The following HIVEP3 variants were observed in gnomAD, a reference collection of about 807,000 sequenced individuals.
The protein encoded by HIVEP3 is transcription factor HIVEP3.
Under a neutral mutation model 152.8 loss-of-function variants are expected in HIVEP3, and 49 were observed. That is an observed-to-expected ratio of 0.32 (90% confidence interval 0.26 to 0.41). The LOEUF is 0.41. Ranked by LOEUF, HIVEP3 falls within the 10% of genes least tolerant of loss-of-function variation. The pLI is 1.00. For missense variants in HIVEP3, 2,790 were observed against 3,103.3 expected (o/e 0.90, Z 2.40); for synonymous variants, 1,269 against 1,289.0 (o/e 0.98, Z 0.33).
intron 1 of HIVEP3, among the ~76,000 whole-genome samples, chr1:41,772,194 G>A (rs1648418368): frequency 6.7e-6 from 1 of 150,186 alleles, no homozygotes; most frequent in Admixed American, 6.6e-5. Flanking sequence ...CTATACACCA[G>A]GAAATCTACA....
chr1:41,867,236 G>A (rs535237051), intron 1 of HIVEP3, among the ~76,000 whole-genome samples: 94 of 152,194 alleles, frequency 6.2e-4, no homozygotes, highest in Middle Eastern at 3.4e-3. Context: ...GAGGTGGATG[G>A]GGCTTCCTTG....
intron 1 of HIVEP3, among the ~76,000 whole-genome samples, chr1:41,711,726 A>G (rs922719976): frequency 2.0e-5 from 3 of 152,172 alleles, no homozygotes; most frequent in African/African-American, 7.2e-5. Context: ...CCGATGCCAG[A>G]GACAGGCTCT....
intron 5 of HIVEP3, among the ~76,000 whole-genome samples, chr1:41,551,099 T>C (rs1008424573): frequency 1.3e-5 from 2 of 152,242 alleles, no homozygotes; most frequent in African/African-American, 4.8e-5. Context: ...CTGTTGAATT[T>C]TGTTGAAGGC....
chr1:41,608,345 A>G (rs943750203), intron 3 of HIVEP3, among the ~76,000 whole-genome samples: 48 of 152,188 alleles, frequency 3.2e-4, no homozygotes, highest in Non-Finnish European at 5.7e-4. Context: ...GGAGCTGCCA[A>G]TCCTTCTTCT....
intron 1 of HIVEP3, among the ~76,000 whole-genome samples, chr1:41,940,985 A>C (rs1463018583): frequency 6.6e-6 from 1 of 152,108 alleles, no homozygotes; most frequent in African/African-American, 2.4e-5. Context: ...TGTCCCAAAA[A>C]CCACAAGAGG....
intron 1 of HIVEP3, among the ~76,000 whole-genome samples, chr1:41,766,357 C>A (rs1469398572): frequency 6.6e-6 from 1 of 152,164 alleles, no homozygotes; most frequent in Non-Finnish European, 1.5e-5. Context: ...GACAGCCACC[C>A]CACATCAAAG....
intron 1 of HIVEP3, among the ~76,000 whole-genome samples, chr1:41,786,627 G>A (rs1649363075): frequency 6.6e-6 from 1 of 152,204 alleles, no homozygotes; most frequent in Non-Finnish European, 1.5e-5. Context: ...TTGTGAGACT[G>A]TATAGCCAGC....
At chr1:41,855,743 TAG>T (rs1557451598) in intron 1 of HIVEP3, among the ~76,000 whole-genome samples, 1 of 152,162 alleles carries the variant, frequency 6.6e-6, no homozygotes, top group Admixed American at 6.5e-5. Flanking sequence ...GAAACGGCAC[TAG>T]GGTCACAAAT....
rs551353161 is a variant in HIVEP3, at chr1:41,882,527, T to C, written c.-801+35886A>G. On this transcript the variant is annotated intron_variant, in intron 1 of 8. Coordinates refer to ENST00000372583, the MANE Select transcript of HIVEP3 (RefSeq NM_024503.5). ...AGTTGCAGGAGAAGCAGATTTCCCA[T>C]GAAAAAGACATCATCACACAATTAA... Among the ~76,000 whole-genome samples the C allele has an allele frequency of 9.4e-4, 143 of 152,236 alleles. 2 individuals are homozygous for C. The highest frequency in any genetic ancestry group is 3.3e-3 in the African/African-American group (138 of 41,550).
chr1:41,688,775 C>A (rs936832252), intron 2 of HIVEP3, among the ~76,000 whole-genome samples: 5 of 152,202 alleles, frequency 3.3e-5, no homozygotes, highest in Admixed American at 2.6e-4. Context: ...TCCTCCTCGG[C>A]ACCATGCTCC....
At chr1:41,973,738 C>T (rs928500719) in intron 1 of HIVEP3, among the ~76,000 whole-genome samples, 1 of 152,130 alleles carries the variant, frequency 6.6e-6, no homozygotes, top group African/African-American at 2.4e-5. Flanking sequence ...ATGGAAGAAT[C>T]GGAAGAAGAG....
At chr1:42,005,836 T>G (rs1433469668) in intron 1 of HIVEP3, among the ~76,000 whole-genome samples, 1 of 152,202 alleles carries the variant, frequency 6.6e-6, no homozygotes, top group African/African-American at 2.4e-5. Flanking sequence ...TAACTAAAAT[T>G]TAATACTTTT....
chr1:41,519,296 C>T (rs1298499881), intron 6 of HIVEP3, among the ~76,000 whole-genome samples: 1 of 152,214 alleles, frequency 6.6e-6, no homozygotes, highest in African/African-American at 2.4e-5. Context: ...AGTTGTAGGT[C>T]CAGCCCACAA....
intron 1 of HIVEP3, among the ~76,000 whole-genome samples, chr1:41,764,354 G>A (rs60171123): frequency 0.042 from 6,345 of 152,188 alleles, 465 homozygotes; most frequent in African/African-American, 0.15. Flanking sequence ...GAAAGAAGGA[G>A]GCAGGTGTAA....
At chr1:41,708,352 A>T (rs901303276) in intron 1 of HIVEP3, among the ~76,000 whole-genome samples, 2 of 151,164 alleles carry the variant, frequency 1.3e-5, no homozygotes, top group Non-Finnish European at 2.9e-5. Flanking sequence ...CCTTCTCCCC[A>T]CTTTGGCAAT....
intron 1 of HIVEP3, among the ~76,000 whole-genome samples, chr1:41,779,329 A>T (rs970564015): frequency 2.2e-4 from 34 of 152,192 alleles, no homozygotes; most frequent in Non-Finnish European, 4.3e-4. Flanking sequence ...AGCCTGGGTA[A>T]ACTGCTCTTG....
At chr1:41,775,270 T>C (rs1322754353) in intron 1 of HIVEP3, among the ~76,000 whole-genome samples, 1 of 152,204 alleles carries the variant, frequency 6.6e-6, no homozygotes, top group Non-Finnish European at 1.5e-5. Flanking sequence ...CTCTTAGTCT[T>C]TGTGGAAGAA....
chr1:41,592,382 T>C (rs1022057743), intron 3 of HIVEP3, among the ~76,000 whole-genome samples: 4 of 152,208 alleles, frequency 2.6e-5, no homozygotes, highest in Non-Finnish European at 5.9e-5. Context: ...TTTTGGATTT[T>C]GAAATCTAAG....
chr1:41,575,535 G>A lies in HIVEP3; in HGVS notation c.5207+9C>T, dbSNP rs1644313741. The A allele has an allele frequency of 1.2e-6, 2 of 1,613,498 alleles. No individual in the cohort carries two copies. The highest frequency in any genetic ancestry group is 1.7e-6 in the Non-Finnish European group (2 of 1,179,620). ...GAAGCAGACGATGGAAACCAAACAT[G>A]AGTCTTACCCTCCTTCGAAGATTTT... On this transcript the variant is annotated intron_variant, in intron 5 of 8. Coordinates refer to ENST00000372583, the MANE Select transcript of HIVEP3 (RefSeq NM_024503.5).
Sources: gnomAD v4.1 joint callset for allele counts (sites outside exome capture counted in the v4.1 genomes callset) on GRCh38, gnomAD v4.1.1 for gene constraint, MANE v1.5 for transcripts, NCBI Gene and HGNC (gene_info 2026-07-23, HGNC 2026-07-21) for gene names.